The following RCL1 variants were observed in gnomAD, a reference collection of about 807,000 sequenced individuals.
RCL1 encodes the protein RNA terminal phosphate cyclase like 1, also known as RNA 3'-terminal phosphate cyclase-like protein.
In RCL1, 24 loss-of-function variants were observed where a neutral mutation model predicts 42.4. The observed-to-expected ratio is 0.57, with a 90% CI of 0.41 to 0.80. The LOEUF is 0.80. Ranked by LOEUF, RCL1 falls within the 30% of genes least tolerant of loss-of-function variation. The pLI is 0.00. For synonymous variants in RCL1, 228 were observed against 177.3 expected (o/e 1.29, Z -2.27); for missense variants, 578 against 467.9 (o/e 1.24, Z -2.17).
chr9:4,851,431 A>G (rs1367327924), intron 8 of RCL1, among the ~76,000 whole-genome samples: 1 of 152,216 alleles, frequency 6.6e-6, no homozygotes, highest in Non-Finnish European at 1.5e-5. Flanking sequence ...AGAAAGCTGG[A>G]TCTGTTTCAT....
rs576193969 is a variant in RCL1 at position 4,813,018 on chromosome 9, A to G, written c.137-10530A>G. On this transcript the variant is annotated intron_variant, in intron 1 of 8. Coordinates refer to ENST00000381750, the MANE Select transcript of RCL1 (RefSeq NM_005772.5). ...TAAGATCATGTTGTCTGCAAACGGGAACAGCTTAACTTCCTCCTTCCCGAT... is the reference window on the plus strand; with the variant it reads ...TAAGATCATGTTGTCTGCAAACGGGGACAGCTTAACTTCCTCCTTCCCGAT... Among the ~76,000 whole-genome samples the G allele has an allele frequency of 5.9e-5, 9 of 152,286 alleles. No homozygotes were observed. In the South Asian group the frequency reaches 1.9e-3, roughly 32 times the overall value.
chr9:4,844,677 A>G lies in RCL1; in HGVS notation c.863A>G (p.Tyr288Cys), dbSNP rs1817451537. Reference sequence around the variant, plus strand: ...GCCCGGCTGCTGCTGGAGGAAATCTACAGGGTATGTCCACAGCTTCCTCTG... The same window carrying G: ...GCCCGGCTGCTGCTGGAGGAAATCTGCAGGGTATGTCCACAGCTTCCTCTG... ...NCARLLLEEI[Y>C]RGGCVDSTNQ... Residue 288 changes from tyrosine (Y) to cysteine (C), a missense_variant, in exon 7 of 9, where the codon TAC becomes TGC. Physicochemically the swap from Tyr to Cys is radical, Grantham distance 194 (BLOSUM62 -2). Coordinates refer to ENST00000381750, the MANE Select transcript of RCL1 (RefSeq NM_005772.5). 2.5e-6 allele frequency: 4 copies of G among 1,612,762 alleles called. No homozygotes were observed. The highest frequency in any genetic ancestry group is 3.4e-6 in the Non-Finnish European group (4 of 1,179,688).
chr9:4,827,206 T>G (rs1326054535), intron 3 of RCL1, 173 bp downstream of exon 3: 11 of 1,533,096 alleles, frequency 7.2e-6, no homozygotes, highest in Non-Finnish European at 7.0e-6. Context: ...GAACCAAAAC[T>G]TAGGATCATC....
At chr9:4,812,474 G>A (rs1366655065) in intron 1 of RCL1, among the ~76,000 whole-genome samples, 2 of 152,038 alleles carry the variant, frequency 1.3e-5, no homozygotes, top group East Asian at 1.9e-4. Context: ...ATATTGTGCA[G>A]GTTGGTCTTA....
At chr9:4,810,036 C>G (rs987912462) in intron 1 of RCL1, among the ~76,000 whole-genome samples, 2 of 152,090 alleles carry the variant, frequency 1.3e-5, no homozygotes, top group Admixed American at 6.5e-5. Flanking sequence ...AGGCTGGTCT[C>G]GAACTCCTGG....
intron 8 of RCL1, among the ~76,000 whole-genome samples, chr9:4,854,883 G>A (rs1470266462): frequency 1.3e-5 from 2 of 151,856 alleles, no homozygotes; most frequent in Non-Finnish European, 2.9e-5. Context: ...GTGAAACCCC[G>A]TCTCTACTAA....
Position 4,844,690 on chromosome 9 carries a change from A to T in RCL1, c.867+9A>T, listed in dbSNP as rs200509616. 17 of 1,608,426 alleles carry T rather than the reference A, an allele frequency of 1.1e-5. No individual in the cohort carries two copies. Among genetic ancestry groups the T allele is most frequent in the Non-Finnish European group, 1.4e-5 (16 of 1,178,024 alleles). On this transcript the variant is annotated intron_variant, in intron 7 of 8. Coordinates refer to ENST00000381750, the MANE Select transcript of RCL1 (RefSeq NM_005772.5). ...TGGAGGAAATCTACAGGGTATGTCC[A>T]CAGCTTCCTCTGATAGAGGAGTGAC...
intron 5 of RCL1, among the ~76,000 whole-genome samples, chr9:4,834,763 T>C (rs1333872911): frequency 6.6e-6 from 1 of 152,174 alleles, no homozygotes; most frequent in Non-Finnish European, 1.5e-5. Flanking sequence ...CTATTAAGTA[T>C]TTACTCTGCA....
chr9:4,826,966 C>G lies in RCL1; in HGVS notation c.317C>G (p.Ala106Gly). The stretch of plus-strand genomic sequence containing the variant: ...TACCTGGAGAGTCTTCTTTGCTTGG[C>G]TCCATTTATGAAGCACCCGTTAAAA... The part of the protein sequence containing the change: ...GYYLESLLCL[A>G]PFMKHPLKIV... Residue 106 changes from alanine (A) to glycine (G), a missense_variant, in exon 3 of 9, where the codon GCT becomes GGT. Ala to Gly is a moderately conservative substitution (Grantham distance 60, BLOSUM62 0). Coordinates refer to ENST00000381750, the MANE Select transcript of RCL1 (RefSeq NM_005772.5). 2 of 1,614,154 alleles carry G rather than the reference C, an allele frequency of 1.2e-6. No individual in the cohort carries two copies. The highest frequency in any genetic ancestry group is 1.3e-5 in the African/African-American group (1 of 75,026).
At chr9:4,800,880 C>G (rs1368607775) in intron 1 of RCL1, among the ~76,000 whole-genome samples, 1 of 152,028 alleles carries the variant, frequency 6.6e-6, no homozygotes, top group Non-Finnish European at 1.5e-5. Context: ...TCTCCAACTC[C>G]TGACCTCAAG....
chr9:4,855,298 C>G (rs1450594807), intron 8 of RCL1, among the ~76,000 whole-genome samples: 1 of 151,834 alleles, frequency 6.6e-6, no homozygotes, highest in East Asian at 1.9e-4. Context: ...TTCTGAAAAG[C>G]TGCTATTTGC....
chr9:4,816,414 T>G (rs1354805475), intron 1 of RCL1, among the ~76,000 whole-genome samples: 3 of 152,250 alleles, frequency 2.0e-5, no homozygotes, highest in Non-Finnish European at 4.4e-5. Context: ...TTTTAAAATA[T>G]AAACTCTGTG....
At chr9:4,819,613 C>A (rs2130993830) in intron 1 of RCL1, among the ~76,000 whole-genome samples, 1 of 152,284 alleles carries the variant, frequency 6.6e-6, no homozygotes, top group East Asian at 1.9e-4. Flanking sequence ...TTGAGACCAT[C>A]CCGGCCAACA....
intron 8 of RCL1, among the ~76,000 whole-genome samples, chr9:4,850,909 G>T (rs1817722578): frequency 6.6e-6 from 1 of 152,140 alleles, no homozygotes; most frequent in South Asian, 2.1e-4. Context: ...GGGAAGTCCT[G>T]CTTGCACACA....
intron 1 of RCL1, among the ~76,000 whole-genome samples, chr9:4,795,464 C>CAT (rs1270278953): frequency 6.6e-6 from 1 of 152,152 alleles, no homozygotes; most frequent in Non-Finnish European, 1.5e-5. Context: ...TATGTATACA[C>CAT]ATACATGTAA....
chr9:4,821,852 C>G (rs1238169383), intron 1 of RCL1, among the ~76,000 whole-genome samples: 2 of 152,204 alleles, frequency 1.3e-5, no homozygotes, highest in Non-Finnish European at 2.9e-5. Flanking sequence ...TGGCATTCAT[C>G]TATTCATAAG....
At chr9:4,816,479 A>G (rs771206835) in intron 1 of RCL1, among the ~76,000 whole-genome samples, 1 of 152,222 alleles carries the variant, frequency 6.6e-6, no homozygotes, top group Non-Finnish European at 1.5e-5. Context: ...TGACTGAGAA[A>G]TAGATACCAA....
chr9:4,847,531 A>G (rs771121191), intron 7 of RCL1, among the ~76,000 whole-genome samples: 6 of 152,132 alleles, frequency 3.9e-5, no homozygotes, highest in Non-Finnish European at 7.4e-5. Context: ...TCACTGCTCT[A>G]ATCACTGCCT....
At position 4,834,574 on chromosome 9, in the gene RCL1, C is replaced by T. The variant is rs1817060255; in HGVS notation, c.584+309C>T. Among the ~76,000 whole-genome samples the T allele has an allele frequency of 2.7e-5, 4 of 150,036 alleles. No individual in the cohort carries two copies. The Admixed American group carries it at 2.7e-4, about 10-fold the overall frequency. On this transcript the variant is annotated intron_variant, in intron 5 of 8. Coordinates refer to ENST00000381750, the MANE Select transcript of RCL1 (RefSeq NM_005772.5). ...CTTTGGTTTGGGGGCCATGAATATA[C>T]TGCAGTTCCTCCCTCAGAAGACGTC...
Sources: allele counts gnomAD v4.1 joint callset (sites outside exome capture counted in the v4.1 genomes callset), GRCh38; gene constraint gnomAD v4.1.1; transcripts MANE v1.5; gene names NCBI Gene and HGNC (gene_info 2026-07-23, HGNC 2026-07-21).